Variants in RIN3 observed in about 807,000 individuals in gnomAD.
RIN3 encodes Ras and Rab interactor 3.
A neutral mutation model predicts 76.3 loss-of-function variants in RIN3; 54 were observed. The ratio of observed to expected loss-of-function variants is 0.71; its 90% CI spans 0.57 to 0.89. The LOEUF is 0.89. RIN3 is among the 40% of genes least tolerant of loss of function. The probability of loss-of-function intolerance (pLI) is 0.00; values close to 1 mark genes in which losing one functional copy is unlikely to be tolerated. For synonymous variants in RIN3, 576 were observed against 564.0 expected, an observed-to-expected ratio of 1.02 and a Z score of -0.30; for missense variants, 1,256 against 1,322.1, an observed-to-expected ratio of 0.95 and a Z score of 0.78.
chr14:92,557,026 C>T (rs143046387), intron 2 of RIN3, among the ~76,000 whole-genome samples: 1 of 152,248 alleles, frequency 6.6e-6, no homozygotes, highest in Admixed American at 6.5e-5. Flanking sequence ...ACTCCCTCCC[C>T]CTTCTCCCCT....
Position 92,528,711 on chromosome 14 carries a change from A to C in RIN3, c.44+14735A>C, listed in dbSNP as rs553727614. Reference sequence around the variant, plus strand: ...ATGCAGTGTGGAGATACAGGGCTGCACTGTGTCCCGGGTGGAGTGTGAGCA... The same window carrying C: ...ATGCAGTGTGGAGATACAGGGCTGCCCTGTGTCCCGGGTGGAGTGTGAGCA... On this transcript the variant is annotated intron_variant, in intron 1 of 9. Coordinates refer to ENST00000216487, the MANE Select transcript of RIN3 (RefSeq NM_024832.5). Among the ~76,000 whole-genome samples, 6 of 152,202 alleles carry C rather than the reference A, an allele frequency of 3.9e-5. No homozygotes were observed. The East Asian group carries it at 1.2e-3, about 29-fold the overall frequency.
chr14:92,629,114 GA>G (rs1886463829), intron 4 of RIN3, among the ~76,000 whole-genome samples: 1 of 100,966 alleles, frequency 9.9e-6, no homozygotes, highest in African/African-American at 4.2e-5. Flanking sequence ...AGTCGGAAAG[GA>G]AAAGAGAGAG....
chr14:92,647,812 C>G (rs1037408419), intron 5 of RIN3, among the ~76,000 whole-genome samples: 18 of 152,166 alleles, frequency 1.2e-4, no homozygotes, highest in African/African-American at 3.9e-4. Flanking sequence ...GGCCCAGGTT[C>G]TCTGAGGGTA....
At chr14:92,600,254 G>A (rs1885295848) in intron 3 of RIN3, among the ~76,000 whole-genome samples, 1 of 152,178 alleles carries the variant, frequency 6.6e-6, no homozygotes, top group African/African-American at 2.4e-5. Flanking sequence ...TTGAGAGGAA[G>A]CCTCACAGTT....
intron 7 of RIN3, among the ~76,000 whole-genome samples, chr14:92,672,273 G>A (rs574861416): frequency 3.3e-5 from 5 of 152,198 alleles, no homozygotes; most frequent in South Asian, 2.1e-4. Context: ...TTAGCCAGGC[G>A]TGGTGGCAAG....
chr14:92,533,127 G>C (rs1460852927), intron 1 of RIN3, among the ~76,000 whole-genome samples: 3 of 152,032 alleles, frequency 2.0e-5, no homozygotes, highest in African/African-American at 7.3e-5. Context: ...CCTTCTATTT[G>C]AAAACAAATC....
chr14:92,545,973 C>T (rs1028491080), intron 1 of RIN3, among the ~76,000 whole-genome samples: 13 of 151,066 alleles, frequency 8.6e-5, no homozygotes, highest in African/African-American at 2.4e-4. Context: ...TCCCCCAGGC[C>T]GGAGTGCAGT....
At chr14:92,530,253 T>C (rs940909701) in intron 1 of RIN3, among the ~76,000 whole-genome samples, 1 of 152,238 alleles carries the variant, frequency 6.6e-6, no homozygotes, top group Admixed American at 6.5e-5. Context: ...GGATATGCAC[T>C]ATCCCTCCAG....
At chr14:92,667,287 C>T (rs996692042) in intron 7 of RIN3, among the ~76,000 whole-genome samples, 7 of 152,150 alleles carry the variant, frequency 4.6e-5, no homozygotes, top group South Asian at 2.1e-4. Flanking sequence ...CCAAGGCGGG[C>T]GGATCATGAG....
At chr14:92,557,081 A>G (rs1366076715) in intron 2 of RIN3, among the ~76,000 whole-genome samples, 1 of 152,196 alleles carries the variant, frequency 6.6e-6, no homozygotes, top group Non-Finnish European at 1.5e-5. Flanking sequence ...GTCACGTTGC[A>G]TGCGGTACGT....
In RIN3 at chr14:92,572,443, G is replaced by GT. The variant is rs200029805; in HGVS notation, c.250-4910dup. Among the ~76,000 whole-genome samples, 1,013 of 152,258 alleles carry GT rather than the reference G, an allele frequency of 6.7e-3. 11 individuals are homozygous for GT. The highest frequency in any genetic ancestry group is 0.022 in the African/African-American group (915 of 41,560). ...GAAGATGCTGATCACCAGTTTTCAG[G>GT]TTTTTTTCTATCTCTTGGGAGACTG... On this transcript the variant is annotated intron_variant, in intron 2 of 9. Coordinates refer to ENST00000216487, the MANE Select transcript of RIN3 (RefSeq NM_024832.5).
chr14:92,625,637 C>T (rs75095051), intron 4 of RIN3, among the ~76,000 whole-genome samples: 5,674 of 152,190 alleles, frequency 0.037, 360 homozygotes, highest in African/African-American at 0.13. Context: ...CCTATCCTGT[C>T]CTCCCACTCT....
chr14:92,657,960 A>G (rs1887731189), intron 6 of RIN3, among the ~76,000 whole-genome samples: 1 of 152,182 alleles, frequency 6.6e-6, no homozygotes, highest in South Asian at 2.1e-4. Context: ...CCTTACAGGA[A>G]CAGGGCTTGG....
At chr14:92,666,217 C>T (rs1258122586) in intron 7 of RIN3, among the ~76,000 whole-genome samples, 1 of 152,190 alleles carries the variant, frequency 6.6e-6, no homozygotes, top group Non-Finnish European at 1.5e-5. Flanking sequence ...GCAACAGTAG[C>T]TTGATGTGGT....
At chr14:92,543,668 C>T (rs1033117695) in intron 1 of RIN3, among the ~76,000 whole-genome samples, 8 of 146,176 alleles carry the variant, frequency 5.5e-5, no homozygotes, top group South Asian at 2.2e-4. Flanking sequence ...CTGCAACCTC[C>T]GCTTCTGGGG....
rs546337715 is a variant in RIN3 at position 92,589,868 on chromosome 14, C to A, written c.367+12391C>A. On this transcript the variant is annotated intron_variant, in intron 3 of 9. Coordinates refer to ENST00000216487, the MANE Select transcript of RIN3 (RefSeq NM_024832.5). ...TTGGTCCTAATAAGTAAAACCCTGA[C>A]CAAACTGAAAAGTCAACAACTCTTC... Among the ~76,000 whole-genome samples, 136 of 152,290 alleles carry A rather than the reference C, an allele frequency of 8.9e-4. 3 individuals carry two copies. The South Asian group carries it at 0.025, about 28-fold the overall frequency.
chr14:92,589,965 T>G (rs1884922866), intron 3 of RIN3, among the ~76,000 whole-genome samples: 1 of 152,132 alleles, frequency 6.6e-6, no homozygotes, highest in African/African-American at 2.4e-5. Flanking sequence ...AATAGGCAAA[T>G]GCAGAGAACT....
chr14:92,557,759 G>A (rs1031025695), intron 2 of RIN3, among the ~76,000 whole-genome samples: 1 of 152,236 alleles, frequency 6.6e-6, no homozygotes, highest in Non-Finnish European at 1.5e-5. Flanking sequence ...CTGCCAGTGG[G>A]TGTTCAGCCA....
At position 92,688,153 on chromosome 14, in the gene RIN3, G is replaced by C; in HGVS notation, c.2859G>C (p.Lys953Asn). 6.2e-7 allele frequency: 1 copy of C among 1,610,300 alleles called. No homozygotes were observed. The highest frequency in any genetic ancestry group is 8.5e-7 in the Non-Finnish European group (1 of 1,178,894). ...GCTACCTGCTGCGCAGCGAGCCCAA[G>C]CGCGACTTCCACTTTGTCTACCGGC... ...IKGYLLRSEP[K>N]RDFHFVYRPL... is the part of the protein sequence containing the mutation. The change falls in exon 10 of 10, where the codon AAG becomes AAC. Residue 953 changes from lysine (K) to asparagine (N), a missense_variant. Lys to Asn is a moderately conservative substitution (Grantham distance 94). Transcript: ENST00000216487.
Sources: gnomAD v4.1 joint callset for allele counts (sites outside exome capture counted in the v4.1 genomes callset) on GRCh38, gnomAD v4.1.1 for gene constraint, MANE v1.5 for transcripts, NCBI Gene and HGNC (gene_info 2026-07-23, HGNC 2026-07-21) for gene names.